The following ESR1 variants were observed in gnomAD, a reference collection of about 807,000 sequenced individuals.
The protein encoded by ESR1 is estrogen receptor 1.
In ESR1, 12 loss-of-function variants were observed where a neutral mutation model predicts 52.7. That is an observed-to-expected ratio of 0.23 (90% CI 0.15 to 0.37). ESR1 has a LOEUF of 0.37. ESR1 is among the 10% of genes least tolerant of loss of function. ESR1 has a pLI of 1.00. For missense variants in ESR1, 584 were observed against 779.7 expected (o/e 0.75, Z 2.99); for synonymous variants, 305 against 316.8 (o/e 0.96, Z 0.39).
At chr6:151,917,354 G>C (rs549084987) in intron 3 of ESR1, among the ~76,000 whole-genome samples, 2 of 152,160 alleles carry the variant, frequency 1.3e-5, no homozygotes, top group Non-Finnish European at 2.9e-5. Context: ...AGATATTACA[G>C]GGAAATGAAG....
intron 1 of ESR1, among the ~76,000 whole-genome samples, chr6:151,660,698 C>T (rs1470931103): frequency 1.3e-5 from 2 of 152,034 alleles, no homozygotes; most frequent in South Asian, 2.1e-4. Flanking sequence ...TTAAAGCATA[C>T]GTATATGTTA....
At position 152,039,931 on chromosome 6, in the gene ESR1, G is replaced by T. The variant is rs2045644422; in HGVS notation, c.1236-21060G>T. Among the ~76,000 whole-genome samples the T allele has an allele frequency of 1.3e-5, 2 of 152,210 alleles. 1 individual carries two copies. The highest frequency in any genetic ancestry group is 4.1e-4 in the South Asian group (2 of 4,832). On this transcript the variant is annotated intron_variant, in intron 5 of 7. Transcript: ENST00000206249. ...GAGTGCCTTGTTCAGAGGCAATGCT[G>T]TGTGTAATGCCATGACAGTGGGTAA...
chr6:151,810,360 C>T (rs908660264), intron 1 of ESR1, among the ~76,000 whole-genome samples: 5 of 151,910 alleles, frequency 3.3e-5, no homozygotes, highest in Admixed American at 1.3e-4. Context: ...TTTTATTTCC[C>T]GGATTATCTT....
chr6:151,875,540 C>T (rs531468609), intron 2 of ESR1, among the ~76,000 whole-genome samples: 1 of 152,062 alleles, frequency 6.6e-6, no homozygotes, highest in South Asian at 2.1e-4. Flanking sequence ...CCTTGCCATG[C>T]CTAAACTGAT....
intron 4 of ESR1, among the ~76,000 whole-genome samples, chr6:151,945,549 C>T (rs1233463955): frequency 6.6e-6 from 1 of 152,156 alleles, no homozygotes; most frequent in African/African-American, 2.4e-5. Context: ...TTTCTCCCTG[C>T]CCCAGTGTAT....
intron 6 of ESR1, among the ~76,000 whole-genome samples, chr6:152,089,499 A>G (rs1456616547): frequency 6.6e-6 from 1 of 152,264 alleles, no homozygotes; most frequent in Non-Finnish European, 1.5e-5. Flanking sequence ...GAGAAAATAT[A>G]TTCCATTTAA....
At chr6:151,806,557 T>TATATATATATATATATATACACAC (rs1554259008), upstream of ESR1, among the ~76,000 whole-genome samples, 1 of 133,790 alleles carries the variant, frequency 7.5e-6, no homozygotes, top group African/African-American at 2.8e-5. Context: ...TATATATATA[T>TATATATATATATATATATACACAC]ACACATATAT....
rs761310420 is a variant in ESR1 at position 151,944,339 on chromosome 6, C to G, written c.927C>G (p.Ser309=). 1 of 1,613,984 alleles carries G rather than the reference C, an allele frequency of 6.2e-7. No individual in the cohort carries two copies. Among genetic ancestry groups the G allele is most frequent in the African/African-American group, 1.3e-5 (1 of 74,894 alleles). The part of the protein sequence containing the change: ...KRSKKNSLAL[S]LTADQMVSAL... ...CTAAGAAGAACAGCCTGGCCTTGTC[C>G]CTGACGGCCGACCAGATGGTCAGTG... Residue 309 remains serine, a synonymous_variant, in exon 4 of 8, where the codon TCC becomes TCG. Coordinates refer to ENST00000206249, the MANE Select transcript of ESR1 (RefSeq NM_000125.4).
rs904375299 is a variant in ESR1, at chr6:152,102,036, T to G, written c.*3070T>G. The G allele has an allele frequency of 9.3e-6, 2 of 214,322 alleles. No homozygotes were observed. Among genetic ancestry groups the G allele is most frequent in the Non-Finnish European group, 1.9e-5 (2 of 105,932 alleles). 13.3% of individuals were successfully genotyped at this position (214,322 alleles called of 1,614,324 possible). A position where few individuals can be genotyped will look rare whatever the true frequency, so the allele number is the denominator to read the frequency against. ...CTATAATGCCATCATGCAGCAATTA[T>G]GAGAGGCTAGGTCATCCAAAGAGAA... On this transcript the variant is annotated 3_prime_UTR_variant, in exon 8 of 8. Coordinates refer to ENST00000206249, the MANE Select transcript of ESR1 (RefSeq NM_000125.4).
At chr6:151,726,276 C>T (rs1376911393) in intron 2 of ESR1, among the ~76,000 whole-genome samples, 1 of 152,132 alleles carries the variant, frequency 6.6e-6, no homozygotes, top group African/African-American at 2.4e-5. Flanking sequence ...AAGACTTGCA[C>T]ATCTTTCGTT....
At chr6:151,757,393 A>G (rs1784371783) in intron 2 of ESR1, among the ~76,000 whole-genome samples, 1 of 152,212 alleles carries the variant, frequency 6.6e-6, no homozygotes, top group African/African-American at 2.4e-5. Context: ...AGAGGCTTTT[A>G]AGGACATATT....
chr6:151,756,922 G>A (rs551434308), intron 2 of ESR1, among the ~76,000 whole-genome samples: 2 of 152,146 alleles, frequency 1.3e-5, no homozygotes, highest in African/African-American at 2.4e-5. Context: ...CCCTGGAGGC[G>A]AAGGTTGCAG....
chr6:152,109,356 C>G (rs1024426854), intron 6 of ESR1, among the ~76,000 whole-genome samples: 1 of 152,038 alleles, frequency 6.6e-6, no homozygotes, highest in Non-Finnish European at 1.5e-5. Context: ...AGTTCACATT[C>G]GTGGTGGCTT....
At chr6:152,057,364 C>G (rs564496579) in intron 5 of ESR1, among the ~76,000 whole-genome samples, 1 of 152,260 alleles carries the variant, frequency 6.6e-6, no homozygotes, top group East Asian at 1.9e-4. Flanking sequence ...CATCAAAGTA[C>G]ATAATTTTTA....
intron 2 of ESR1, among the ~76,000 whole-genome samples, chr6:151,857,484 C>A (rs1380358858): frequency 3.3e-5 from 5 of 150,732 alleles, no homozygotes; most frequent in Admixed American, 2.7e-4. Flanking sequence ...CACAAACACA[C>A]CCACCCACCC....
At chr6:151,961,474 A>G (rs2037652968) in intron 4 of ESR1, among the ~76,000 whole-genome samples, 1 of 152,110 alleles carries the variant, frequency 6.6e-6, no homozygotes, top group African/African-American at 2.4e-5. Context: ...GAGGGAAGGG[A>G]TTAGAAGCAG....
chr6:151,716,619 TTGTTTACAC>T (rs1781059162), intron 2 of ESR1, among the ~76,000 whole-genome samples: 1 of 152,174 alleles, frequency 6.6e-6, no homozygotes. Context: ...CCTGGTGGCT[TTGTTTACAC>T]TGTGACAGGA....
At chr6:151,843,002 G>A (rs1022722803) in intron 2 of ESR1, among the ~76,000 whole-genome samples, 2 of 152,104 alleles carry the variant, frequency 1.3e-5, no homozygotes, top group Admixed American at 6.6e-5. Flanking sequence ...GAGTAATTCC[G>A]CTTCCTTCCT....
rs1196683085 is a variant in ESR1, at chr6:152,070,052, C to T, written c.1369+8928C>T. ...AACATTAAACTACCAGTGAATGTCT[C>T]ATCAAGTCACTGGACCTCTAATTCT... On this transcript the variant is annotated intron_variant, in intron 6 of 7. Coordinates refer to ENST00000206249, the MANE Select transcript of ESR1 (RefSeq NM_000125.4). Among the ~76,000 whole-genome samples the T allele has an allele frequency of 5.8e-5, 8 of 137,638 alleles. 2 individuals carry two copies. The highest frequency in any genetic ancestry group is 2.6e-4 in the African/African-American group (8 of 31,062). 90.3% of individuals were successfully genotyped at this position (137,638 alleles called of 152,430 possible).
Sources: gnomAD v4.1 joint callset for allele counts (sites outside exome capture counted in the v4.1 genomes callset) on GRCh38, gnomAD v4.1.1 for gene constraint, MANE v1.5 for transcripts, NCBI Gene and HGNC (gene_info 2026-07-23, HGNC 2026-07-21) for gene names.